Variants in FER observed in about 807,000 individuals in gnomAD.
FER encodes FER tyrosine kinase.
FER carries 63 observed loss-of-function variants against 111.0 expected under a neutral mutation model. The ratio of observed to expected loss-of-function variants is 0.57; its 90% confidence interval spans 0.46 to 0.70. The LOEUF (loss-of-function observed/expected upper bound fraction) is 0.70. Among genes scored for constraint, FER ranks in the 30% least tolerant of loss-of-function variants. The pLI, the probability that FER is intolerant of heterozygous loss-of-function variation, is 0.00. For missense variants in FER, 914 were observed against 954.0 expected, an observed-to-expected ratio of 0.96 and a Z score of 0.55; for synonymous variants, 327 against 313.9, an observed-to-expected ratio of 1.04 and a Z score of -0.44.
At chr5:109,148,232 C>T (rs745707716) in intron 17 of FER, among the ~76,000 whole-genome samples, 26 of 151,954 alleles carry the variant, frequency 1.7e-4, no homozygotes, top group Admixed American at 4.6e-4. Context: ...AAATGTATGC[C>T]ATACAGTTAC....
intron 17 of FER, among the ~76,000 whole-genome samples, chr5:109,108,551 C>T (rs1351520306): frequency 2.0e-5 from 3 of 152,114 alleles, no homozygotes; most frequent in Admixed American, 6.6e-5. Flanking sequence ...TTGGTCCATT[C>T]AGTCTCCTTA....
chr5:108,764,217 G>T (rs1036081640), intron 1 of FER, among the ~76,000 whole-genome samples: 1 of 151,962 alleles, frequency 6.6e-6, no homozygotes, highest in African/African-American at 2.4e-5. Flanking sequence ...AGATGCTTCA[G>T]AGTAAAAAAC....
intron 13 of FER, among the ~76,000 whole-genome samples, chr5:109,012,072 TCTC>T (rs1223008327): frequency 2.0e-5 from 3 of 152,220 alleles, no homozygotes; most frequent in Non-Finnish European, 4.4e-5. Flanking sequence ...AACCATCTCT[TCTC>T]TGCATTCGCC....
At chr5:108,939,256 A>G (rs1318791498) in intron 10 of FER, among the ~76,000 whole-genome samples, 1 of 152,080 alleles carries the variant, frequency 6.6e-6, no homozygotes, top group Non-Finnish European at 1.5e-5. Flanking sequence ...TTCTTTTCCT[A>G]TTAAAATTAA....
At chr5:108,875,193 T>A (rs1205057960) in intron 8 of FER, among the ~76,000 whole-genome samples, 2 of 152,124 alleles carry the variant, frequency 1.3e-5, no homozygotes, top group African/African-American at 4.8e-5. Context: ...TAGGAAAATT[T>A]TTTGGATGGT....
chr5:108,924,644 C>T, intron 10 of FER: 1 of 1,231,910 alleles, frequency 8.1e-7, no homozygotes, highest in Non-Finnish European at 1.0e-6. Context: ...GTCACTATCT[C>T]TTAGCTAAAT....
intron 5 of FER, among the ~76,000 whole-genome samples, chr5:108,856,346 CATT>C (rs1763007355): frequency 6.6e-6 from 1 of 152,030 alleles, no homozygotes; most frequent in African/African-American, 2.4e-5. Context: ...TTTTCCCACT[CATT>C]ATTCATTTTT....
At chr5:108,986,420 CT>C (rs1159403598) in intron 13 of FER, among the ~76,000 whole-genome samples, 4 of 150,614 alleles carry the variant, frequency 2.7e-5, no homozygotes, top group African/African-American at 7.3e-5. Flanking sequence ...CTGATTGTTT[CT>C]TTTTCTGTGC....
At chr5:109,049,872 A>G (rs1344794313) in intron 16 of FER, among the ~76,000 whole-genome samples, 6 of 152,234 alleles carry the variant, frequency 3.9e-5, no homozygotes, top group African/African-American at 1.4e-4. Flanking sequence ...TATGTGTACT[A>G]CTGAATCCTC....
intron 9 of FER, chr5:108,894,617 A>G: frequency 2.8e-6 from 1 of 360,892 alleles, no homozygotes; most frequent in Non-Finnish European, 5.4e-6. Context: ...ACTTGAAAAA[A>G]TAATAGAAGA....
chr5:109,050,654 G>GA (rs1278164693), intron 16 of FER, among the ~76,000 whole-genome samples: 4 of 152,156 alleles, frequency 2.6e-5, no homozygotes, highest in Non-Finnish European at 4.4e-5. Context: ...CAAGTGGATG[G>GA]AAAAAATATA....
intron 10 of FER, among the ~76,000 whole-genome samples, chr5:108,932,530 T>C (rs1357299991): frequency 6.6e-6 from 1 of 152,212 alleles, no homozygotes; most frequent in African/African-American, 2.4e-5. Flanking sequence ...CCTTTGGGTA[T>C]ATAGCCAGTA....
At chr5:108,869,967 G>C (rs1764448611) in intron 6 of FER, among the ~76,000 whole-genome samples, 1 of 152,042 alleles carries the variant, frequency 6.6e-6, no homozygotes, top group African/African-American at 2.4e-5. Flanking sequence ...ATAGTGAAAT[G>C]TCTAGTTAAA....
intron 10 of FER, among the ~76,000 whole-genome samples, chr5:108,926,079 T>A (rs918875650): frequency 6.6e-6 from 1 of 150,446 alleles, no homozygotes; most frequent in Non-Finnish European, 1.5e-5. Context: ...TCTTTTTTTT[T>A]ATACACAGTC....
intron 13 of FER, among the ~76,000 whole-genome samples, chr5:108,997,056 CTCTG>C (rs747164466): frequency 2.6e-5 from 4 of 152,038 alleles, no homozygotes; most frequent in East Asian, 1.9e-4. Context: ...TGATTTGGCT[CTCTG>C]TCTGTTATTG....
chr5:109,000,704 T>A (rs148762603), intron 13 of FER, among the ~76,000 whole-genome samples: 8,882 of 151,984 alleles, frequency 0.058, 399 homozygotes, highest in South Asian at 0.12. Flanking sequence ...AAAAACTCAG[T>A]GAATCCAGGA....
chr5:109,166,940 C>A (rs1236914059), intron 17 of FER, among the ~76,000 whole-genome samples: 1 of 149,096 alleles, frequency 6.7e-6, no homozygotes, highest in East Asian at 1.9e-4. Context: ...CTACCACATT[C>A]TGCTAGGTTA....
At chr5:109,078,227 A>C (rs1436565909) in intron 16 of FER, among the ~76,000 whole-genome samples, 1 of 152,184 alleles carries the variant, frequency 6.6e-6, no homozygotes, top group Non-Finnish European at 1.5e-5. Context: ...TACAGCAGTT[A>C]AAGGCTCAAG....
intron 1 of FER, among the ~76,000 whole-genome samples, chr5:108,761,230 T>A (rs918372814): frequency 6.6e-6 from 1 of 152,180 alleles, no homozygotes; most frequent in Non-Finnish European, 1.5e-5. Flanking sequence ...ACCTGGCCTA[T>A]TTTGGCTTTC....
Sources: allele counts gnomAD v4.1 joint callset (sites outside exome capture counted in the v4.1 genomes callset), GRCh38; gene constraint gnomAD v4.1.1; transcripts MANE v1.5; gene names NCBI Gene and HGNC (gene_info 2026-07-23, HGNC 2026-07-21).